Variants in HAP1 observed in about 807,000 individuals in gnomAD.
HAP1 encodes huntingtin-associated protein 1.
Under a neutral mutation model 60.3 loss-of-function variants are expected in HAP1, and 59 were observed. That is an observed-to-expected ratio of 0.98 (90% CI 0.79 to 1.22). HAP1 has a LOEUF of 1.22. Among genes scored for constraint, HAP1 ranks in the 50% most tolerant of loss-of-function variants. The probability of loss-of-function intolerance (pLI) is 0.00; values close to 1 mark genes in which losing one functional copy is unlikely to be tolerated. For synonymous variants in HAP1, 346 were observed against 330.6 expected, an observed-to-expected ratio of 1.05 and a Z score of -0.50; for missense variants, 825 against 785.3, an observed-to-expected ratio of 1.05 and a Z score of -0.60.
chr17:41,725,323 C>T (rs1005963624), intron 10 of HAP1, among the ~76,000 whole-genome samples, 169 bp from the exon 11 acceptor site: 1 of 152,134 alleles, frequency 6.6e-6, no homozygotes, highest in East Asian at 1.9e-4. Flanking sequence ...GCCCATCCCC[C>T]TGGTGGGAGG....
chr17:41,717,936 T>C (rs1555586267), downstream of HAP1: 2 of 462,272 alleles, frequency 4.3e-6, no homozygotes, highest in South Asian at 3.1e-5. Flanking sequence ...CTTGTGCCTG[T>C]TGACACCATT....
rs782253925 is a variant in HAP1, at chr17:41,732,031, C to A, written c.802G>T (p.Glu268Ter). Residue 268 changes from glutamate to a stop codon, truncating the protein, a stop_gained, in exon 4 of 11, where the codon GAG (glutamate) becomes TAG (stop). Transcript: ENST00000347901. LOFTEE classifies it high-confidence loss of function. ...TCTGCCTCCTTTTCTTCCTCCTCCTCTTCTTCATCCTCATCCTCCTCATCA... is the reference window on the plus strand; with the variant it reads ...TCTGCCTCCTTTTCTTCCTCCTCCTATTCTTCATCCTCATCCTCCTCATCA... ...DSDEEDEDEE[E>*]EEEEKEAEEE... 1.2e-5 allele frequency: 19 copies of A among 1,566,326 alleles called. No homozygotes were observed. Among genetic ancestry groups the A allele is most frequent in the Admixed American group, 1.0e-4 (6 of 59,912 alleles).
At chr17:41,725,962 G>A in intron 9 of HAP1, 65 bp from the exon 10 acceptor site, 2 of 1,239,908 alleles carry the variant, frequency 1.6e-6, no homozygotes, top group South Asian at 2.4e-5. Context: ...CCTGGGGCTT[G>A]GTCAAGCTGA....
chr17:41,734,116 G>A (rs1912492736), intron 1 of HAP1, 50 bp downstream of exon 1: 9 of 1,449,066 alleles, frequency 6.2e-6, no homozygotes, highest in Non-Finnish European at 8.4e-6. Flanking sequence ...CTTCCTCCCT[G>A]GAGTTGCCCC....
In HAP1 at chr17:41,731,989, C is replaced by A. The variant is rs782502314; in HGVS notation, c.844G>T (p.Glu282Ter). Residue 282 changes from glutamate to a stop codon, truncating the protein, a stop_gained, in exon 4 of 11, where the codon GAA becomes TAA. Coordinates refer to ENST00000347901, the MANE Select transcript of HAP1 (RefSeq NM_177977.3). LOFTEE classifies it high-confidence loss of function. Reference protein sequence around the residue: ...EKEAEEEQEEEEAEEDLQCAH... With the variant: ...EKEAEEEQEE ...CACTGCAGGTCTTCCTCTGCTTCTT[C>A]TTCTTCCTGTTCCTCTTCTGCCTCC... is the stretch of plus-strand genomic sequence containing the variant. 2.5e-5 allele frequency: 32 copies of A among 1,267,186 alleles called. No homozygotes were observed. The South Asian group carries it at 3.8e-4, about 15-fold the overall frequency. The allele number at this position is 1,267,186 out of a possible 1,614,324, so 78.5% of individuals were successfully genotyped here.
chr17:41,733,042 T>TTTG (rs1912369587), intron 1 of HAP1, among the ~76,000 whole-genome samples: 1 of 92,392 alleles, frequency 1.1e-5, no homozygotes, highest in Non-Finnish European at 2.0e-5. Flanking sequence ...TTTTTGGTTT[T>TTTG]TTTTTTTTTT....
chr17:41,733,054 G>GTTTT lies in HAP1; in HGVS notation c.470-260_470-257dup, dbSNP rs71155166. Reference sequence around the variant, plus strand: ...TTTTTTTTGGTTTTTTTTTTTTTTGGTTTTTTTTTTTTTTTAGACAAAGCC... The same window carrying GTTTT: ...TTTTTTTTGGTTTTTTTTTTTTTTGGTTTTTTTTTTTTTTTTTTTAGACAAAGCC... On this transcript the variant is annotated intron_variant, in intron 1 of 10. Transcript: ENST00000347901. Among the ~76,000 whole-genome samples the GTTTT allele has an allele frequency of 9.0e-4, 89 of 99,070 alleles. 4 individuals carry two copies. The highest frequency in any genetic ancestry group is 1.9e-3 in the African/African-American group (45 of 24,144). 65.0% of individuals were successfully genotyped at this position (99,070 alleles called of 152,430 possible). A position where few individuals can be genotyped will look rare whatever the true frequency, so the allele number is the denominator to read the frequency against.
intron 2 of HAP1, 59 bp from the exon 3 acceptor site, chr17:41,732,453 C>A: frequency 6.4e-7 from 1 of 1,559,494 alleles, no homozygotes; most frequent in Non-Finnish European, 8.8e-7. Context: ...TTCCCCATCC[C>A]CTAGTTCTCT....
Position 41,732,710 on chromosome 17 carries a change from A to T in HAP1, c.549+9T>A. 6.3e-7 allele frequency: 1 copy of T among 1,598,874 alleles called. No individual in the cohort carries two copies. The highest frequency in any genetic ancestry group is 8.6e-7 in the Non-Finnish European group (1 of 1,166,074). On this transcript the variant is annotated intron_variant, in intron 2 of 10. Coordinates refer to ENST00000347901, the MANE Select transcript of HAP1 (RefSeq NM_177977.3). The stretch of plus-strand genomic sequence containing the variant: ...AAGGGCTTGCCTGGATCAGGAAGGC[A>T]GTACACACCTCCTCCAGCAAATATA...
rs1555589037 is a variant in HAP1, at chr17:41,727,093, G to A, written c.1327C>T (p.Leu443=). ...ACAGGGTCTGAGATCATCCTCCTTA[G>A]AGACGTTCTGAGCTCCTCAGCCAGC... ...ETLAEELRTS[L]RRMISDPVYF... Residue 443 remains leucine (L), a synonymous_variant, in exon 9 of 11, where the codon CTA becomes TTA. Coordinates refer to ENST00000347901, the MANE Select transcript of HAP1 (RefSeq NM_177977.3). 1 of 1,590,876 alleles carries A rather than the reference G, an allele frequency of 6.3e-7. No individual in the cohort carries two copies. The highest frequency in any genetic ancestry group is 1.7e-5 in the Admixed American group (1 of 57,226).
chr17:41,723,647 A>G lies in HAP1; in HGVS notation c.*1054T>C, dbSNP rs1411518456. On this transcript the variant is annotated 3_prime_UTR_variant, in exon 11 of 11. Coordinates refer to ENST00000347901, the MANE Select transcript of HAP1 (RefSeq NM_177977.3). ...TATCAGAAGGACACGGAAAGTCGCC[A>G]TTGATAATTATGCAGGTTGCCCCCT... 1 of 152,832 alleles carries G rather than the reference A, an allele frequency of 6.5e-6. No individual in the cohort carries two copies. Among genetic ancestry groups the G allele is most frequent in the Non-Finnish European group, 1.5e-5 (1 of 68,090 alleles). The allele number at this position is 152,832 out of a possible 1,614,324, so 9.5% of individuals were successfully genotyped here. A position where few individuals can be genotyped will look rare whatever the true frequency, so the allele number is the denominator to read the frequency against.
chr17:41,726,049 C>T (rs1291233590), intron 9 of HAP1, 152 bp from the exon 10 acceptor site: 4 of 642,342 alleles, frequency 6.2e-6, no homozygotes, highest in Non-Finnish European at 8.4e-6. Context: ...GTGGGCAGGT[C>T]ACCTGAGGTC....
At chr17:41,728,612 G>A (rs1360009271) in intron 6 of HAP1, among the ~76,000 whole-genome samples, 1 of 152,176 alleles carries the variant, frequency 6.6e-6, no homozygotes, top group Non-Finnish European at 1.5e-5. Flanking sequence ...AGGCCATGAT[G>A]GGCAAATGTC....
At chr17:41,718,738 C>A (rs1252485412), downstream of HAP1, among the ~76,000 whole-genome samples, 1 of 152,158 alleles carries the variant, frequency 6.6e-6, no homozygotes, top group Admixed American at 6.5e-5. Flanking sequence ...AAACGTCCTA[C>A]GTAAATGAAA....
In HAP1 at chr17:41,732,002, C is replaced by T. The variant is rs140782681; in HGVS notation, c.831G>A (p.Glu277=). The T allele has an allele frequency of 1.3e-4, 175 of 1,350,540 alleles. No individual in the cohort carries two copies. The highest frequency in any genetic ancestry group is 1.7e-4 in the Non-Finnish European group (164 of 943,538). The allele number at this position is 1,350,540 out of a possible 1,614,324, so 83.7% of individuals were successfully genotyped here. A position where few individuals can be genotyped will look rare whatever the true frequency, so the allele number is the denominator to read the frequency against. The change falls in exon 4 of 11, where the codon GAG becomes GAA. Residue 277 remains glutamate, a synonymous_variant. Transcript: ENST00000347901. ...CCTCTGCTTCTTCTTCTTCCTGTTC[C>T]TCTTCTGCCTCCTTTTCTTCCTCCT... ...EEEEEEKEAE[E]EQEEEEAEED... is the part of the protein sequence containing the mutation.
chr17:41,733,261 A>G (rs533453800), intron 1 of HAP1, among the ~76,000 whole-genome samples: 46 of 148,852 alleles, frequency 3.1e-4, no homozygotes, highest in African/African-American at 1.1e-3. Context: ...CATGTTGGCC[A>G]GGCTGGTCTC....
downstream of HAP1, chr17:41,721,543 C>T: frequency 5.0e-6 from 1 of 198,460 alleles, no homozygotes. Flanking sequence ...CTGGCAATTT[C>T]CCCCATGTCT....
At position 41,727,055 on chromosome 17, in the gene HAP1, C is replaced by A; in HGVS notation, c.1365G>T (p.Glu455Asp). The A allele has an allele frequency of 6.6e-7, 1 of 1,516,564 alleles. No homozygotes were observed. The highest frequency in any genetic ancestry group is 2.3e-5 in the East Asian group (1 of 43,264). The allele number at this position is 1,516,564 out of a possible 1,614,324, so 93.9% of individuals were successfully genotyped here. Residue 455 changes from glutamate to aspartate, a missense_variant and splice_region_variant, in exon 9 of 11, where the codon GAG becomes GAT. Coordinates refer to ENST00000347901, the MANE Select transcript of HAP1 (RefSeq NM_177977.3). ...AAGGGAGGGCCCCAGCCACGCACCTCTCCATAAAATACACAGGGTCTGAGA... is the reference window on the plus strand; with the variant it reads ...AAGGGAGGGCCCCAGCCACGCACCTATCCATAAAATACACAGGGTCTGAGA... ...RMISDPVYFM[E>D]RNYEMPRGDT...
Position 41,734,346 on chromosome 17 carries a change from G to C in HAP1, c.289C>G (p.Pro97Ala), listed in dbSNP as rs782253042. Residue 97 changes from proline to alanine, a missense_variant, in exon 1 of 11, where the codon CCC (proline) becomes GCC (alanine). Transcript: ENST00000347901. ...GTCCACGGCGCGTCCGAATTGTCGG[G>C]CATAGACCGGACATCCCCTTGGATG... ...SAIQGDVRSM[P>A]DNSDAPWTRF... 5.0e-5 allele frequency: 80 copies of C among 1,609,136 alleles called. No homozygotes were observed. Among genetic ancestry groups the C allele is most frequent in the Non-Finnish European group, 6.4e-5 (75 of 1,177,380 alleles).
Sources: gnomAD v4.1 joint callset for allele counts (sites outside exome capture counted in the v4.1 genomes callset) on GRCh38, gnomAD v4.1.1 for gene constraint, MANE v1.5 for transcripts, NCBI Gene and HGNC (gene_info 2026-07-23, HGNC 2026-07-21) for gene names.